Variants in DSCAM observed in about 807,000 individuals in gnomAD.
The protein encoded by DSCAM is DS cell adhesion molecule, also known as cell adhesion molecule DSCAM.
A neutral mutation model predicts 217.7 loss-of-function variants in DSCAM; 47 were observed. The observed-to-expected ratio is 0.22, with a 90% CI of 0.17 to 0.28. The LOEUF is 0.28. Among genes scored for constraint, DSCAM ranks in the 10% least tolerant of loss-of-function variants. The pLI, the probability that DSCAM is intolerant of heterozygous loss-of-function variation, is 1.00. For missense variants in DSCAM, 2,080 were observed against 2,618.3 expected (o/e 0.79, Z 4.49); for synonymous variants, 1,056 against 1,015.3 (o/e 1.04, Z -0.76).
At chr21:40,447,757 CATTA>C in intron 3 of DSCAM, among the ~76,000 whole-genome samples, 1 of 152,278 alleles carries the variant, frequency 6.6e-6, no homozygotes, top group Non-Finnish European at 1.5e-5. Flanking sequence ...TGGTGAATGA[CATTA>C]ATTTTTTTCT....
At chr21:40,291,586 G>A (rs556213383) in intron 10 of DSCAM, among the ~76,000 whole-genome samples, 67 of 152,194 alleles carry the variant, frequency 4.4e-4, no homozygotes, top group African/African-American at 1.5e-3. Flanking sequence ...TCAACCTCCC[G>A]GCCTCGCCCC....
At chr21:40,374,046 G>A (rs914341615) in intron 3 of DSCAM, among the ~76,000 whole-genome samples, 6 of 82,390 alleles carry the variant, frequency 7.3e-5, no homozygotes, top group Non-Finnish European at 6.8e-5. Flanking sequence ...AGCTCAGAGA[G>A]TAAATTTCAA....
intron 10 of DSCAM, among the ~76,000 whole-genome samples, chr21:40,294,062 CT>C (rs1305588140): frequency 2.6e-5 from 4 of 152,040 alleles, no homozygotes; most frequent in Non-Finnish European, 5.9e-5. Flanking sequence ...GGGAATTTAA[CT>C]TTTTAAAAAA....
chr21:40,675,496 G>A (rs2090328201), intron 3 of DSCAM, among the ~76,000 whole-genome samples: 1 of 152,088 alleles, frequency 6.6e-6, no homozygotes, highest in South Asian at 2.1e-4. Context: ...CTGTAACTAG[G>A]TTCAAATAAC....
chr21:40,621,951 G>T (rs887366064), intron 3 of DSCAM, among the ~76,000 whole-genome samples: 1 of 146,752 alleles, frequency 6.8e-6, no homozygotes, highest in African/African-American at 2.5e-5. Context: ...AAAAAAGAAA[G>T]GAAGGAAGGA....
intron 3 of DSCAM, among the ~76,000 whole-genome samples, chr21:40,376,538 GATATATCTT>G (rs2074957353): frequency 3.7e-5 from 2 of 54,426 alleles, no homozygotes; most frequent in South Asian, 5.5e-4. Flanking sequence ...TATAGATATC[GATATATCTT>G]ATATCGATAT....
intron 3 of DSCAM, among the ~76,000 whole-genome samples, chr21:40,429,797 C>T (rs1468702757): frequency 6.6e-6 from 1 of 152,204 alleles, no homozygotes; most frequent in Non-Finnish European, 1.5e-5. Context: ...GAATATGTTA[C>T]TTATTTTACT....
At chr21:40,374,196 T>G (rs182258695) in intron 3 of DSCAM, among the ~76,000 whole-genome samples, 7 of 152,320 alleles carry the variant, frequency 4.6e-5, no homozygotes, top group Non-Finnish European at 8.8e-5. Context: ...GTATATAACT[T>G]TTCAATTGAA....
chr21:40,203,318 T>C (rs1456996648), intron 11 of DSCAM, among the ~76,000 whole-genome samples: 1 of 152,246 alleles, frequency 6.6e-6, no homozygotes, highest in African/African-American at 2.4e-5. Context: ...ACCTGTTGTT[T>C]CTTTCCTTTT....
intron 8 of DSCAM, among the ~76,000 whole-genome samples, chr21:40,320,583 A>C (rs1323488293): frequency 1.3e-5 from 2 of 152,228 alleles, no homozygotes; most frequent in Non-Finnish European, 2.9e-5. Flanking sequence ...CAATTTACAA[A>C]AGAAAGAGTT....
At chr21:40,457,527 AT>A (rs1160428266) in intron 3 of DSCAM, among the ~76,000 whole-genome samples, 12 of 140,464 alleles carry the variant, frequency 8.5e-5, no homozygotes, top group East Asian at 8.1e-4. Flanking sequence ...AAATAATAAA[AT>A]AAAACAAACA....
At chr21:40,493,627 C>A (rs1042074545) in intron 3 of DSCAM, among the ~76,000 whole-genome samples, 1 of 151,310 alleles carries the variant, frequency 6.6e-6, no homozygotes, top group African/African-American at 2.4e-5. Flanking sequence ...TTTAGGAGGC[C>A]GAGGCAGGTG....
intron 28 of DSCAM, among the ~76,000 whole-genome samples, chr21:40,059,857 A>G (rs2089087350): frequency 6.6e-6 from 1 of 152,182 alleles, no homozygotes; most frequent in East Asian, 1.9e-4. Flanking sequence ...AAACAGCAAC[A>G]CAGACCAGGG....
intron 32 of DSCAM, among the ~76,000 whole-genome samples, chr21:40,032,056 C>T (rs2088536050): frequency 6.6e-6 from 1 of 152,166 alleles, no homozygotes; most frequent in Admixed American, 6.5e-5. Context: ...CATTTCCAGC[C>T]TAACTCAGCT....
chr21:40,816,094 C>A (rs1013619210), intron 1 of DSCAM, among the ~76,000 whole-genome samples: 2 of 152,182 alleles, frequency 1.3e-5, no homozygotes, highest in African/African-American at 4.8e-5. Context: ...GAAACAATGT[C>A]AAAACAGCAA....
At chr21:40,372,866 C>T (rs556068188) in intron 3 of DSCAM, among the ~76,000 whole-genome samples, 3 of 152,308 alleles carry the variant, frequency 2.0e-5, no homozygotes, top group African/African-American at 7.2e-5. Context: ...CATGAGCTTA[C>T]ATGTTAGTGC....
At chr21:40,567,545 C>T (rs560190400) in intron 3 of DSCAM, among the ~76,000 whole-genome samples, 3 of 152,328 alleles carry the variant, frequency 2.0e-5, no homozygotes, top group African/African-American at 7.2e-5. Context: ...CAAAGAAGCC[C>T]CACTTCAAGG....
At chr21:40,678,928 A>G (rs932579109) in intron 3 of DSCAM, among the ~76,000 whole-genome samples, 2 of 152,218 alleles carry the variant, frequency 1.3e-5, no homozygotes, top group African/African-American at 4.8e-5. Context: ...CAAATGCTGC[A>G]GTGTAAAGCT....
At chr21:40,714,515 T>G (rs1339887106) in intron 1 of DSCAM, among the ~76,000 whole-genome samples, 1 of 152,226 alleles carries the variant, frequency 6.6e-6, no homozygotes, top group African/African-American at 2.4e-5. Flanking sequence ...GTTTTCTCTG[T>G]TGGGTTTTAG....
Sources: allele counts gnomAD v4.1 joint callset (sites outside exome capture counted in the v4.1 genomes callset), GRCh38; gene constraint gnomAD v4.1.1; transcripts MANE v1.5; gene names NCBI Gene and HGNC (gene_info 2026-07-23, HGNC 2026-07-21).